The following MRPS6 variants were observed in gnomAD, a reference collection of about 807,000 sequenced individuals.
MRPS6 encodes small ribosomal subunit protein bS6m.
Under a neutral mutation model 13.1 loss-of-function variants are expected in MRPS6, and 6 were observed. That is an observed-to-expected ratio of 0.46 (90% CI 0.25 to 0.91). The LOEUF (loss-of-function observed/expected upper bound fraction) is 0.91. Among genes scored for constraint, MRPS6 ranks in the 40% least tolerant of loss-of-function variants. MRPS6 has a pLI of 0.18. For synonymous variants in MRPS6, 61 were observed against 56.5 expected, an observed-to-expected ratio of 1.08 and a Z score of -0.36; for missense variants, 164 against 155.6, an observed-to-expected ratio of 1.05 and a Z score of -0.29.
chr21:34,134,113 C>T (rs1217001253), intron 2 of MRPS6, among the ~76,000 whole-genome samples: 1 of 152,096 alleles, frequency 6.6e-6, no homozygotes, highest in African/African-American at 2.4e-5. Flanking sequence ...AAGCTCTGTT[C>T]CAGAGCCTAA....
intron 1 of MRPS6, chr21:34,103,221 C>T: frequency 5.0e-6 from 5 of 999,240 alleles, no homozygotes; most frequent in Non-Finnish European, 6.0e-6. Flanking sequence ...TTCTGGTTAC[C>T]AGTATTGACT....
intron 1 of MRPS6, among the ~76,000 whole-genome samples, chr21:34,115,207 G>C (rs1979855670): frequency 2.0e-5 from 3 of 152,254 alleles, no homozygotes; most frequent in African/African-American, 4.8e-5. Context: ...TTGGCTTCTT[G>C]CTCCTGTTTT....
chr21:34,113,285 T>A (rs1276787466), intron 1 of MRPS6, among the ~76,000 whole-genome samples: 3 of 152,178 alleles, frequency 2.0e-5, no homozygotes, highest in Admixed American at 6.5e-5. Context: ...CCTGTGTTCG[T>A]TGCAACACTA....
At chr21:34,097,418 T>TA in intron 1 of MRPS6, 1 of 1,356,682 alleles carries the variant, frequency 7.4e-7, no homozygotes. Flanking sequence ...GGAAAAAAGT[T>TA]ATGTAACTGT....
intron 1 of MRPS6, chr21:34,104,589 A>G: frequency 1.0e-6 from 1 of 1,000,058 alleles, no homozygotes; most frequent in Non-Finnish European, 1.2e-6. Context: ...GAGATGTTTT[A>G]GAAGAGTTAA....
At chr21:34,077,569 A>G (rs964326148) in intron 1 of MRPS6, among the ~76,000 whole-genome samples, 2 of 152,194 alleles carry the variant, frequency 1.3e-5, no homozygotes, top group African/African-American at 4.8e-5. Context: ...ATAAGATAGC[A>G]TTTATATATA....
intron 1 of MRPS6, chr21:34,095,973 G>A (rs899583664): frequency 1.9e-6 from 3 of 1,614,148 alleles, no homozygotes; most frequent in Admixed American, 1.7e-5. Flanking sequence ...AGATGAAGAT[G>A]TTCCTTGGCC....
intron 2 of MRPS6, among the ~76,000 whole-genome samples, chr21:34,138,945 C>G (rs1980804063): frequency 1.3e-5 from 2 of 151,710 alleles, no homozygotes; most frequent in Admixed American, 1.3e-4. Context: ...CCCAAATGTC[C>G]AACAATGATA....
intron 1 of MRPS6, chr21:34,106,342 C>A: frequency 4.2e-6 from 1 of 238,244 alleles, no homozygotes; most frequent in Non-Finnish European, 7.4e-6. Flanking sequence ...AGAGTTTGTA[C>A]CTCAGTTTCT....
chr21:34,128,144 C>T (rs150766097), intron 2 of MRPS6, among the ~76,000 whole-genome samples: 1 of 152,142 alleles, frequency 6.6e-6, no homozygotes, highest in Admixed American at 6.5e-5. Flanking sequence ...CAGGTTGATT[C>T]TCACAATTGT....
chr21:34,079,738 T>C (rs1310865323), intron 1 of MRPS6, among the ~76,000 whole-genome samples: 3 of 151,546 alleles, frequency 2.0e-5, no homozygotes, highest in African/African-American at 7.3e-5. Context: ...CCCTCTTCTC[T>C]TTATGTACAA....
chr21:34,125,163 C>A (rs1205249378), intron 1 of MRPS6, 178 bp from the exon 2 acceptor site: 22 of 989,014 alleles, frequency 2.2e-5, no homozygotes, highest in Non-Finnish European at 2.7e-5. Flanking sequence ...CATATCCTTA[C>A]AATAAATTCT....
At position 34,101,889 on chromosome 21, in the gene MRPS6, G is replaced by A. The variant is rs941726231; in HGVS notation, c.46-23452G>A. 6.0e-6 allele frequency: 6 copies of A among 1,000,066 alleles called. No homozygotes were observed. The African/African-American group carries it at 1.0e-4, about 17-fold the overall frequency. The allele number at this position is 1,000,066 out of a possible 1,614,324, so 61.9% of individuals were successfully genotyped here. ...TTCAAAAATTAGGGAGAGAGCAGTA[G>A]TGATCATTTATGTGAGCCCCTTTGA... On this transcript the variant is annotated intron_variant, in intron 1 of 2. Transcript: ENST00000399312.
rs79607614 is a variant in MRPS6, at chr21:34,073,836, C to T, written c.45+91C>T. On this transcript the variant is annotated intron_variant, in intron 1 of 2. Coordinates refer to ENST00000399312, the MANE Select transcript of MRPS6 (RefSeq NM_032476.4). ...CCCCCGCGCGCCCTGGCCGCGGGAC[C>T]CCGGGCCTTCCTGCACTCCTCGGAG... is the stretch of plus-strand genomic sequence containing the variant. The T allele has an allele frequency of 1.6e-5, 15 of 935,304 alleles. 1 individual carries two copies. The Admixed American group carries it at 6.5e-4, about 41-fold the overall frequency. The allele number at this position is 935,304 out of a possible 1,614,324, so 57.9% of individuals were successfully genotyped here.
chr21:34,089,710 G>A (rs112884980), intron 1 of MRPS6, among the ~76,000 whole-genome samples: 1,756 of 152,284 alleles, frequency 0.012, 38 homozygotes, highest in South Asian at 0.081. Flanking sequence ...TCTGGTGGTA[G>A]AGGGTTGGGA....
At chr21:34,086,674 A>G (rs1378399090) in intron 1 of MRPS6, among the ~76,000 whole-genome samples, 2 of 152,218 alleles carry the variant, frequency 1.3e-5, no homozygotes, top group African/African-American at 4.8e-5. Flanking sequence ...GGGGATCATT[A>G]TCATGTCTGC....
intron 1 of MRPS6, among the ~76,000 whole-genome samples, chr21:34,120,446 A>G (rs1484863996): frequency 6.6e-6 from 1 of 152,246 alleles, no homozygotes; most frequent in Non-Finnish European, 1.5e-5. Context: ...CTTGGAATCC[A>G]ATCAAAATAA....
chr21:34,116,069 A>ATGGATG (rs1340264794), intron 1 of MRPS6, among the ~76,000 whole-genome samples: 3 of 152,008 alleles, frequency 2.0e-5, no homozygotes, highest in Non-Finnish European at 4.4e-5. Context: ...GTGTGGTGCC[A>ATGGATG]CAGTCATGGC....
At chr21:34,113,272 A>G (rs1979774854) in intron 1 of MRPS6, among the ~76,000 whole-genome samples, 1 of 152,202 alleles carries the variant, frequency 6.6e-6, no homozygotes, top group African/African-American at 2.4e-5. Context: ...AGGTGTCTGT[A>G]TTCCTGTGTT....
Sources: gnomAD v4.1 joint callset for allele counts (sites outside exome capture counted in the v4.1 genomes callset) on GRCh38, gnomAD v4.1.1 for gene constraint, MANE v1.5 for transcripts, NCBI Gene and HGNC (gene_info 2026-07-23, HGNC 2026-07-21) for gene names.